The following CDH18 variants were observed in gnomAD, a reference collection of about 807,000 sequenced individuals.
CDH18 encodes the protein cadherin-18.
Under a neutral mutation model 67.9 loss-of-function variants are expected in CDH18, and 31 were observed. The ratio of observed to expected loss-of-function variants is 0.46; its 90% confidence interval spans 0.34 to 0.62. CDH18 has a LOEUF of 0.62. CDH18 is among the 20% of genes least tolerant of loss of function. The pLI is 0.01. For synonymous variants in CDH18, 362 were observed against 347.2 expected (o/e 1.04, Z -0.48); for missense variants, 890 against 975.5 (o/e 0.91, Z 1.17).
intron 2 of CDH18, among the ~76,000 whole-genome samples, chr5:19,847,537 G>T (rs1460499036): frequency 1.3e-5 from 2 of 151,870 alleles, no homozygotes; most frequent in Admixed American, 6.6e-5. Context: ...TTTTAAGATG[G>T]TTATTTTGAA....
chr5:19,744,262 C>T (rs1354780838), intron 4 of CDH18, among the ~76,000 whole-genome samples: 1 of 152,086 alleles, frequency 6.6e-6, no homozygotes, highest in Non-Finnish European at 1.5e-5. Flanking sequence ...TTCTCTACTA[C>T]TTTCAGATAT....
intron 8 of CDH18, among the ~76,000 whole-genome samples, chr5:19,550,981 C>A (rs1335205540): frequency 6.6e-6 from 1 of 152,086 alleles, no homozygotes; most frequent in African/African-American, 2.4e-5. Context: ...TGAGGATTGA[C>A]TAAACTGTAA....
intron 4 of CDH18, among the ~76,000 whole-genome samples, chr5:19,725,222 G>A (rs13177652): frequency 0.57 from 85,931 of 151,834 alleles, 27,531 homozygotes; most frequent in East Asian, 0.74. Flanking sequence ...CACCGCACCC[G>A]GCCCATATTA....
At chr5:19,782,511 G>A (rs1775241264) in intron 3 of CDH18, among the ~76,000 whole-genome samples, 3 of 152,100 alleles carry the variant, frequency 2.0e-5, no homozygotes, top group Non-Finnish European at 1.5e-5. Context: ...TTGGTGGATT[G>A]TGATGTGGAG....
At chr5:20,295,062 T>C (rs1451353376) in intron 1 of CDH18, among the ~76,000 whole-genome samples, 1 of 152,202 alleles carries the variant, frequency 6.6e-6, no homozygotes, top group Non-Finnish European at 1.5e-5. Context: ...ATAATTTAAA[T>C]GTCACAATTA....
chr5:19,778,958 G>A (rs1417657148), intron 3 of CDH18, among the ~76,000 whole-genome samples: 1 of 152,100 alleles, frequency 6.6e-6, no homozygotes, highest in African/African-American at 2.4e-5. Context: ...TGGCCAGGAA[G>A]GATATTCAAA....
chr5:19,773,320 A>G (rs979018985), intron 3 of CDH18, among the ~76,000 whole-genome samples: 1 of 152,172 alleles, frequency 6.6e-6, no homozygotes, highest in Admixed American at 6.5e-5. Flanking sequence ...TAAAGTTTTT[A>G]TTTAAAAAAG....
At chr5:20,401,636 T>C (rs946031188) in intron 1 of CDH18, among the ~76,000 whole-genome samples, 1 of 152,094 alleles carries the variant, frequency 6.6e-6, no homozygotes, top group Admixed American at 6.5e-5. Context: ...AATTATAAAA[T>C]AGAAAATGTC....
chr5:19,790,033 A>T lies in CDH18; in HGVS notation c.229-42797T>A, dbSNP rs1776198195. Among the ~76,000 whole-genome samples, 5 of 152,096 alleles carry T rather than the reference A, an allele frequency of 3.3e-5. 1 individual carries two copies. In the South Asian group the frequency reaches 1.0e-3, roughly 32 times the overall value. On this transcript the variant is annotated intron_variant, in intron 3 of 12. Coordinates refer to ENST00000382275, the MANE Select transcript of CDH18 (RefSeq NM_004934.5). ...TATATAAATATACCATCATACATAAATGTCCCCACATATATAAATATACCA... is the reference window on the plus strand; with the variant it reads ...TATATAAATATACCATCATACATAATTGTCCCCACATATATAAATATACCA...
At chr5:20,037,739 C>T (rs1027134571) in intron 2 of CDH18, among the ~76,000 whole-genome samples, 1 of 152,030 alleles carries the variant, frequency 6.6e-6, no homozygotes, top group Non-Finnish European at 1.5e-5. Flanking sequence ...CAAATGCCAA[C>T]AGGAGAAAGT....
intron 6 of CDH18, among the ~76,000 whole-genome samples, chr5:19,592,520 A>C (rs1745329982): frequency 6.6e-6 from 1 of 152,134 alleles, no homozygotes; most frequent in Admixed American, 6.5e-5. Flanking sequence ...ATAGTGATTC[A>C]ATGCTATACA....
intron 1 of CDH18, among the ~76,000 whole-genome samples, chr5:20,357,122 A>C (rs1416084030): frequency 6.6e-6 from 1 of 151,990 alleles, no homozygotes; most frequent in East Asian, 1.9e-4. Context: ...TATGAGAAAA[A>C]AAATCAGATG....
chr5:19,900,359 T>A (rs892372528), intron 2 of CDH18, among the ~76,000 whole-genome samples: 2 of 152,146 alleles, frequency 1.3e-5, no homozygotes, highest in African/African-American at 2.4e-5. Flanking sequence ...ATAGCGTATA[T>A]TTTAAATAGC....
intron 1 of CDH18, among the ~76,000 whole-genome samples, chr5:20,487,042 G>T (rs78395274): frequency 6.6e-6 from 1 of 152,068 alleles, no homozygotes; most frequent in Non-Finnish European, 1.5e-5. Context: ...CCCTGACTGC[G>T]TTACAGTTGT....
chr5:20,017,863 G>A (rs1166244956), intron 2 of CDH18, among the ~76,000 whole-genome samples: 1 of 152,108 alleles, frequency 6.6e-6, no homozygotes, highest in Non-Finnish European at 1.5e-5. Context: ...TAGGCTCTCC[G>A]TTTCATCACT....
chr5:20,201,808 A>G lies in CDH18; in HGVS notation c.-518+53636T>C, dbSNP rs532517428. 3.3e-5 allele frequency among the ~76,000 whole-genome samples: 5 copies of G among 152,300 alleles called. No homozygotes were observed. In the South Asian group the frequency reaches 1.0e-3, roughly 32 times the overall value. On this transcript the variant is annotated intron_variant, in intron 2 of 14. Transcript: ENST00000507958. The stretch of plus-strand genomic sequence containing the variant: ...GACAGAGAAGCACATTCCATAGAAG[A>G]GAAAAAGTGCAGAAAATAAGATAAT...
At chr5:20,233,526 C>T (rs1195555138) in intron 2 of CDH18, among the ~76,000 whole-genome samples, 1 of 151,808 alleles carries the variant, frequency 6.6e-6, no homozygotes. Flanking sequence ...ATGAGAAATA[C>T]ACTATACATT....
chr5:20,371,357 C>CAATT (rs908754201), intron 1 of CDH18, among the ~76,000 whole-genome samples: 19 of 152,088 alleles, frequency 1.2e-4, no homozygotes, highest in African/African-American at 4.6e-4. Context: ...GTAGAGATGT[C>CAATT]AATTAAATTG....
At chr5:19,642,138 T>A (rs1006299330) in intron 5 of CDH18, among the ~76,000 whole-genome samples, 1 of 151,770 alleles carries the variant, frequency 6.6e-6, no homozygotes, top group South Asian at 2.1e-4. Context: ...AGGCAAAATA[T>A]TTGTACACTG....
Sources: gnomAD v4.1 joint callset for allele counts (sites outside exome capture counted in the v4.1 genomes callset) on GRCh38, gnomAD v4.1.1 for gene constraint, MANE v1.5 for transcripts, NCBI Gene and HGNC (gene_info 2026-07-23, HGNC 2026-07-21) for gene names.